AUH: variants seen among roughly 807,000 people sequenced by gnomAD.
AUH encodes the protein AU RNA binding methylglutaconyl-CoA hydratase, also known as methylglutaconyl-CoA hydratase, mitochondrial.
AUH carries 29 observed loss-of-function variants against 42.3 expected under a neutral mutation model. The ratio of observed to expected loss-of-function variants is 0.69; its 90% CI spans 0.51 to 0.93. The LOEUF (loss-of-function observed/expected upper bound fraction) is 0.93, where lower values mean the gene tolerates loss of function less well. Ranked by LOEUF, AUH falls within the 40% of genes least tolerant of loss-of-function variation. AUH has a pLI of 0.00. For synonymous variants in AUH, 174 were observed against 166.4 expected (o/e 1.05, Z -0.35); for missense variants, 452 against 438.1 (o/e 1.03, Z -0.28).
At chr9:91,336,184 T>A (rs1317596898) in intron 3 of AUH, among the ~76,000 whole-genome samples, 1 of 152,198 alleles carries the variant, frequency 6.6e-6, no homozygotes, top group African/African-American at 2.4e-5. Flanking sequence ...CGTTGCTATT[T>A]TATATTTTCC....
intron 3 of AUH, among the ~76,000 whole-genome samples, chr9:91,338,099 A>T (rs768148399): frequency 7.2e-5 from 11 of 152,218 alleles, no homozygotes; most frequent in Non-Finnish European, 1.2e-4. Context: ...TGCCCATTTG[A>T]TGAAAAGGAC....
At chr9:91,238,151 T>C (rs1456914057) in intron 6 of AUH, among the ~76,000 whole-genome samples, 1 of 152,126 alleles carries the variant, frequency 6.6e-6, no homozygotes, top group African/African-American at 2.4e-5. Flanking sequence ...TTGGGACCAG[T>C]TTTTTCAGGG....
At chr9:91,230,798 T>C (rs916529706) in intron 6 of AUH, among the ~76,000 whole-genome samples, 13 of 152,184 alleles carry the variant, frequency 8.5e-5, no homozygotes, top group Middle Eastern at 3.2e-3. Context: ...TGCAGGTCTG[T>C]TGGAGAACCC....
intron 5 of AUH, among the ~76,000 whole-genome samples, 153 bp downstream of exon 5, chr9:91,297,831 G>A (rs1033266497): frequency 1.3e-5 from 2 of 152,022 alleles, no homozygotes; most frequent in Non-Finnish European, 2.9e-5. Flanking sequence ...TTTTTCAGGT[G>A]GGAATTTCGA....
intron 6 of AUH, among the ~76,000 whole-genome samples, chr9:91,248,742 A>G (rs1446983067): frequency 6.6e-6 from 1 of 152,198 alleles, no homozygotes; most frequent in Non-Finnish European, 1.5e-5. Context: ...TAACAAAACC[A>G]TTTCCCCTCA....
intron 6 of AUH, among the ~76,000 whole-genome samples, chr9:91,267,564 G>T (rs1239664319): frequency 6.6e-6 from 1 of 152,074 alleles, no homozygotes; most frequent in Non-Finnish European, 1.5e-5. Flanking sequence ...GCCCCTCAGA[G>T]TCTTCCGCAA....
Position 91,220,921 on chromosome 9 carries a change from G to C in AUH, c.727C>G (p.Leu243Val). 6.2e-7 allele frequency: 1 copy of C among 1,614,236 alleles called. No individual in the cohort carries two copies. ...AKELIFSARV[L>V]DGKEAKAVGL... ...ACTGCTTTGGCTTCTTTGCCATCGA[G>C]GACTCGCGCAGAGAATATGAGCTCC... The change falls in exon 7 of 10, where the codon CTC becomes GTC. Residue 243 changes from leucine (L) to valine (V), a missense_variant. Leu to Val is a conservative substitution (Grantham distance 32). Transcript: ENST00000375731.
intron 6 of AUH, among the ~76,000 whole-genome samples, chr9:91,286,003 T>C (rs1826374137): frequency 6.6e-6 from 1 of 152,104 alleles, no homozygotes; most frequent in African/African-American, 2.4e-5. Context: ...CGTTTTGTTA[T>C]GCTTTTTTTT....
chr9:91,299,782 A>G (rs971185402), intron 4 of AUH, among the ~76,000 whole-genome samples: 24 of 151,978 alleles, frequency 1.6e-4, no homozygotes, highest in African/African-American at 5.8e-4. Context: ...TTGGTTACCG[A>G]CTCTCAACTC....
chr9:91,215,882 C>T (rs1826791654), intron 9 of AUH, among the ~76,000 whole-genome samples, 177 bp downstream of exon 9: 1 of 152,160 alleles, frequency 6.6e-6, no homozygotes, highest in Admixed American at 6.5e-5. Context: ...TCCTGTGGAA[C>T]AGAATCAGTC....
intron 6 of AUH, among the ~76,000 whole-genome samples, chr9:91,264,031 T>C (rs1262922458): frequency 6.6e-6 from 1 of 152,178 alleles, no homozygotes; most frequent in Non-Finnish European, 1.5e-5. Context: ...ACTTTTCCTA[T>C]AACATCAAGA....
At chr9:91,245,925 G>A (rs1327216229) in intron 6 of AUH, among the ~76,000 whole-genome samples, 2 of 152,162 alleles carry the variant, frequency 1.3e-5, no homozygotes, top group African/African-American at 2.4e-5. Flanking sequence ...GATGTGACGG[G>A]GATGGGGACA....
chr9:91,266,133 C>T (rs772941512), intron 6 of AUH, among the ~76,000 whole-genome samples: 2 of 151,942 alleles, frequency 1.3e-5, no homozygotes, highest in African/African-American at 4.8e-5. Flanking sequence ...GAGGCTGAGG[C>T]GGGTGAATCA....
At chr9:91,242,243 T>A (rs374832934) in intron 6 of AUH, among the ~76,000 whole-genome samples, 1 of 152,310 alleles carries the variant, frequency 6.6e-6, no homozygotes, top group Non-Finnish European at 1.5e-5. Context: ...ACAGGCAGCA[T>A]TACACTGTGT....
At chr9:91,354,942 A>G (rs150510903) in intron 3 of AUH, among the ~76,000 whole-genome samples, 103 of 152,202 alleles carry the variant, frequency 6.8e-4, no homozygotes, top group African/African-American at 2.4e-3. Flanking sequence ...AAGAACTCAA[A>G]ATATACATAA....
At chr9:91,351,288 T>C (rs908651928) in intron 3 of AUH, among the ~76,000 whole-genome samples, 5 of 152,198 alleles carry the variant, frequency 3.3e-5, no homozygotes, top group East Asian at 1.9e-4. Flanking sequence ...GGCACAGACA[T>C]AGTTTACACA....
intron 6 of AUH, among the ~76,000 whole-genome samples, chr9:91,246,335 C>T (rs1447172305): frequency 6.6e-6 from 1 of 152,168 alleles, no homozygotes; most frequent in Non-Finnish European, 1.5e-5. Context: ...CAAGACAGGC[C>T]AGCCTCCCCA....
intron 6 of AUH, among the ~76,000 whole-genome samples, chr9:91,247,434 C>T (rs1828861862): frequency 6.6e-6 from 1 of 152,142 alleles, no homozygotes; most frequent in Non-Finnish European, 1.5e-5. Context: ...CTCACAGCTG[C>T]ACGCCTACAG....
chr9:91,354,311 C>T (rs948185093), intron 3 of AUH, among the ~76,000 whole-genome samples: 2 of 152,144 alleles, frequency 1.3e-5, no homozygotes, highest in Non-Finnish European at 2.9e-5. Flanking sequence ...AATACAGTCA[C>T]AAATCTTGAG....
Sources: allele counts gnomAD v4.1 joint callset (sites outside exome capture counted in the v4.1 genomes callset), GRCh38; gene constraint gnomAD v4.1.1; transcripts MANE v1.5; gene names NCBI Gene and HGNC (gene_info 2026-07-23, HGNC 2026-07-21).